RILPL1: variants seen among roughly 807,000 people sequenced by gnomAD.
RILPL1 encodes the protein Rab interacting lysosomal protein like 1.
A neutral mutation model predicts 50.3 loss-of-function variants in RILPL1; 33 were observed. The observed-to-expected ratio is 0.66, with a 90% confidence interval of 0.50 to 0.88. The LOEUF (loss-of-function observed/expected upper bound fraction) is 0.88. RILPL1 is among the 40% of genes least tolerant of loss of function. RILPL1 has a pLI of 0.00. For synonymous variants in RILPL1, 205 were observed against 228.6 expected (o/e 0.90, Z 0.93); for missense variants, 418 against 542.5 (o/e 0.77, Z 2.28).
In RILPL1 at chr12:123,533,605, G is replaced by T. The variant is rs915106582; in HGVS notation, c.-123C>A. On this transcript the variant is annotated 5_prime_UTR_variant, in exon 1 of 7. Transcript: ENST00000376874. This position sits in a 1 kb window ranked among gnomAD's most constrained non-coding sequence, Gnocchi z 6.2. ...GGGCGGGCGCGCTCAGCGGGCGCTG[G>T]GGCGAGGGCGCAGCGGGCAGCGGGC... The T allele has an allele frequency of 5.8e-6, 4 of 685,236 alleles. No individual in the cohort carries two copies. Among genetic ancestry groups the T allele is most frequent in the Non-Finnish European group, 7.4e-6 (4 of 537,484 alleles). 42.4% of individuals were successfully genotyped at this position (685,236 alleles called of 1,614,324 possible). A position where few individuals can be genotyped will look rare whatever the true frequency, so the allele number is the denominator to read the frequency against.
intron 4 of RILPL1, among the ~76,000 whole-genome samples, chr12:123,493,441 T>G (rs1415736138): frequency 6.6e-6 from 1 of 152,210 alleles, no homozygotes; most frequent in Non-Finnish European, 1.5e-5. Context: ...ATCCTCCATA[T>G]GCTGAACACT....
At position 123,522,705 on chromosome 12, in the gene RILPL1, C is replaced by T. The variant is rs1464968879; in HGVS notation, c.460+790G>A. Among the ~76,000 whole-genome samples the T allele has an allele frequency of 1.3e-5, 2 of 152,076 alleles. No individual in the cohort carries two copies. Among genetic ancestry groups the T allele is most frequent in the Non-Finnish European group, 1.5e-5 (1 of 68,006 alleles). On this transcript the variant is annotated intron_variant, in intron 2 of 6. Transcript: ENST00000376874. This position sits in a 1 kb window ranked among gnomAD's most constrained non-coding sequence, Gnocchi z 4.0. Reference sequence around the variant, plus strand: ...ACCTCCTGGGCTCAAGTGATCCTCCCGCCTCAGCCTTCAAGTAGCTCAGAC... The same window carrying T: ...ACCTCCTGGGCTCAAGTGATCCTCCTGCCTCAGCCTTCAAGTAGCTCAGAC...
In RILPL1 at chr12:123,533,469, C is replaced by A. The variant is rs1276382300; in HGVS notation, c.14G>T (p.Arg5Leu). 3 of 1,526,496 alleles carry A rather than the reference C, an allele frequency of 2.0e-6. No individual in the cohort carries two copies. The highest frequency in any genetic ancestry group is 4.9e-5 in the East Asian group (2 of 40,436). 94.6% of individuals were successfully genotyped at this position (1,526,496 alleles called of 1,614,324 possible). Residue 5 changes from arginine (R) to leucine (L), a missense_variant, in exon 1 of 7, where the codon CGG becomes CTG. Arg to Leu is a moderately radical substitution (Grantham distance 102). Coordinates refer to ENST00000376874, the MANE Select transcript of RILPL1 (RefSeq NM_178314.5). The surrounding 1 kb of genome is among the most constrained non-coding windows in gnomAD (Gnocchi z 6.2). ...CGACTCGGCCGCCAGCGCCGACCCC[C>A]GCTCCTCCTCCATGGCCACCCTCCT... The part of the protein sequence containing the change: MEEE[R>L]GSALAAESAL...
At chr12:123,475,896 AATTTT>A in intron 6 of RILPL1, 30 of 504,808 alleles carry the variant, frequency 5.9e-5, no homozygotes, top group Admixed American at 1.5e-4. Flanking sequence ...ATTCACTTAA[AATTTT>A]TTTTTTTTTT....
intron 2 of RILPL1, among the ~76,000 whole-genome samples, chr12:123,501,792 AC>A (rs1294980201): frequency 6.0e-5 from 9 of 151,048 alleles, no homozygotes; most frequent in East Asian, 1.9e-4. Flanking sequence ...AAGAAAAAAA[AC>A]AACCCCAAAA....
chr12:123,497,315 C>T (rs1169215444), intron 4 of RILPL1, among the ~76,000 whole-genome samples: 1 of 152,068 alleles, frequency 6.6e-6, no homozygotes, highest in Non-Finnish European at 1.5e-5. Context: ...AACTCCTGGG[C>T]TCAAGTGATC....
At chr12:123,524,179 C>T (rs909587560) in intron 1 of RILPL1, among the ~76,000 whole-genome samples, 1 of 152,210 alleles carries the variant, frequency 6.6e-6, no homozygotes, top group Non-Finnish European at 1.5e-5. Flanking sequence ...CAGTTTCCCT[C>T]AGTGGTGGAA....
In RILPL1 at chr12:123,510,891, C is replaced by CTG. The variant is rs533089329; in HGVS notation, c.461-11357_461-11356dup. 7.1e-5 allele frequency among the ~76,000 whole-genome samples: 8 copies of CTG among 112,306 alleles called. No homozygotes were observed. In the South Asian group the frequency reaches 1.2e-3, roughly 17 times the overall value. The allele number at this position is 112,306 out of a possible 152,430, so 73.7% of individuals were successfully genotyped here. A position where few individuals can be genotyped will look rare whatever the true frequency, so the allele number is the denominator to read the frequency against. On this transcript the variant is annotated intron_variant, in intron 2 of 6. Coordinates refer to ENST00000376874, the MANE Select transcript of RILPL1 (RefSeq NM_178314.5). ...TCTGTGTGCAGTGTGTGTGTGAGGT[C>CTG]TGTGTGTGTGTGTATTGTGTGAGGT...
At chr12:123,512,821 A>G (rs1211730952) in intron 2 of RILPL1, among the ~76,000 whole-genome samples, 541 of 38,238 alleles carry the variant, frequency 0.014, no homozygotes, top group East Asian at 0.027. Context: ...AGATCTGTGT[A>G]TGTGTGAGGT....
intron 2 of RILPL1, among the ~76,000 whole-genome samples, chr12:123,507,373 T>C (rs1372694785): frequency 6.7e-6 from 1 of 150,300 alleles, no homozygotes; most frequent in Non-Finnish European, 1.5e-5. Flanking sequence ...GACCAGCCAC[T>C]GCAATACAGG....
rs763840052 is a variant in RILPL1 at position 123,485,605 on chromosome 12, C to T, written c.974+28G>A. The stretch of plus-strand genomic sequence containing the variant: ...GGCTAACCTCAGTAAGGAGCCAGCT[C>T]GGGCCATCCAGCCCCAGGGACACTT... On this transcript the variant is annotated intron_variant, in intron 5 of 6. Transcript: ENST00000376874. The surrounding 1 kb of genome is among the most constrained non-coding windows in gnomAD (Gnocchi z 4.0). 16 of 1,607,094 alleles carry T rather than the reference C, an allele frequency of 1.0e-5. No homozygotes were observed. The highest frequency in any genetic ancestry group is 4.4e-5 in the South Asian group (4 of 90,470).
rs371346379 is a variant in RILPL1 at position 123,477,337 on chromosome 12, CTTT to C, written c.1068-4658_1068-4656del. The stretch of plus-strand genomic sequence containing the variant: ...GTTGGTATCTTTTCTTTCTTTCTTT[CTTT>C]TTTTTTTTTTTTTTTTTTGAGACAG... On this transcript the variant is annotated intron_variant, in intron 6 of 6. Transcript: ENST00000376874. Among the ~76,000 whole-genome samples, 712 of 105,296 alleles carry C rather than the reference CTTT, an allele frequency of 6.8e-3. 4 individuals are homozygous for C. Among genetic ancestry groups the C allele is most frequent in the African/African-American group, 0.015 (466 of 30,854 alleles). The allele number at this position is 105,296 out of a possible 152,430, so 69.1% of individuals were successfully genotyped here.
intron 6 of RILPL1, among the ~76,000 whole-genome samples, chr12:123,476,594 G>C (rs1188178278): frequency 6.6e-6 from 1 of 152,132 alleles, no homozygotes; most frequent in Non-Finnish European, 1.5e-5. Flanking sequence ...GAAGGTGGAA[G>C]TGGATACTGA....
At position 123,510,069 on chromosome 12, in the gene RILPL1, C is replaced by G. The variant is rs190940752; in HGVS notation, c.461-10533G>C. Among the ~76,000 whole-genome samples, 15 of 152,350 alleles carry G rather than the reference C, an allele frequency of 9.8e-5. No individual in the cohort carries two copies. The East Asian group carries it at 2.9e-3, about 29-fold the overall frequency. On this transcript the variant is annotated intron_variant, in intron 2 of 6. Transcript: ENST00000376874. ...GCCCAGCGGCAGGGCAGGGTGTCAG[C>G]AGGTGGCCGCAGGAGTTGCTCTGCG... is the stretch of plus-strand genomic sequence containing the variant.
Position 123,470,629 on chromosome 12 carries a change from C to T in RILPL1, c.*1909G>A, listed in dbSNP as rs1402129025. 1 of 151,760 alleles carries T rather than the reference C, an allele frequency of 6.6e-6. No homozygotes were observed. The highest frequency in any genetic ancestry group is 2.4e-5 in the African/African-American group (1 of 41,284). The allele number at this position is 151,760 out of a possible 1,614,324, so 9.4% of individuals were successfully genotyped here. ...TGAAACCCCGTCTTTACTAAAAATA[C>T]AAAAATTAGTCAGGTATGGTGGCAC... On this transcript the variant is annotated 3_prime_UTR_variant, in exon 7 of 7. Transcript: ENST00000376874.
chr12:123,487,287 C>CAGCACACA (rs1041959912), intron 4 of RILPL1, among the ~76,000 whole-genome samples: 1 of 151,542 alleles, frequency 6.6e-6, no homozygotes, highest in African/African-American at 2.4e-5. Context: ...ATCCACGTTG[C>CAGCACACA]AGCACACACC....
chr12:123,516,990 T>C (rs1593595565), intron 2 of RILPL1, among the ~76,000 whole-genome samples: 1 of 151,274 alleles, frequency 6.6e-6, no homozygotes, highest in African/African-American at 2.4e-5. Context: ...GAGCAGGAGG[T>C]GAGGGAGGAG....
intron 6 of RILPL1, among the ~76,000 whole-genome samples, chr12:123,480,603 AAGCTGT>A (rs919963426): frequency 2.0e-4 from 31 of 152,106 alleles, no homozygotes; most frequent in African/African-American, 7.2e-4. Flanking sequence ...CTGAAACTCA[AAGCTGT>A]AGCTATCAAA....
intron 1 of RILPL1, among the ~76,000 whole-genome samples, chr12:123,528,839 C>A (rs1161431750): frequency 2.6e-5 from 4 of 152,044 alleles, no homozygotes; most frequent in Non-Finnish European, 5.9e-5. Flanking sequence ...TGCTGATTCT[C>A]GCCTCTGAGT....
Sources: allele counts gnomAD v4.1 joint callset (sites outside exome capture counted in the v4.1 genomes callset), GRCh38; gene constraint gnomAD v4.1.1; non-coding constraint Gnocchi (gnomAD v3.1); transcripts MANE v1.5; gene names NCBI Gene and HGNC (gene_info 2026-07-23, HGNC 2026-07-21).